The following ERBB4 variants were observed in gnomAD, a reference collection of about 807,000 sequenced individuals.
ERBB4 encodes the protein receptor tyrosine-protein kinase erbB-4.
Under a neutral mutation model 158.0 loss-of-function variants are expected in ERBB4, and 42 were observed. The ratio of observed to expected loss-of-function variants is 0.27; its 90% CI spans 0.21 to 0.34. The LOEUF is 0.34. ERBB4 is among the 10% of genes least tolerant of loss of function. ERBB4 has a pLI of 1.00. For missense variants in ERBB4, 1,333 were observed against 1,624.1 expected (o/e 0.82, Z 3.08); for synonymous variants, 583 against 558.7 (o/e 1.04, Z -0.61).
chr2:212,216,507 G>A (rs577878451), intron 1 of ERBB4, among the ~76,000 whole-genome samples: 110 of 151,358 alleles, frequency 7.3e-4, no homozygotes, highest in Non-Finnish European at 1.3e-3. Flanking sequence ...TTCAAAAAGT[G>A]TCAAAAATCA....
intron 1 of ERBB4, among the ~76,000 whole-genome samples, chr2:212,303,986 A>T (rs933535951): frequency 6.6e-6 from 1 of 151,618 alleles, no homozygotes; most frequent in African/African-American, 2.4e-5. Context: ...CAACTCAAGA[A>T]GTAGAAAATA....
intron 3 of ERBB4, among the ~76,000 whole-genome samples, chr2:211,916,269 T>C (rs995197106): frequency 1.3e-5 from 2 of 152,030 alleles, no homozygotes; most frequent in African/African-American, 4.8e-5. Flanking sequence ...AACCTCTGTC[T>C]CCCGGGTTCA....
chr2:212,055,648 G>A (rs2077539935), intron 2 of ERBB4, among the ~76,000 whole-genome samples: 1 of 152,222 alleles, frequency 6.6e-6, no homozygotes, highest in Admixed American at 6.5e-5. Context: ...AGCCACCACT[G>A]CTGATACCCA....
At chr2:212,504,036 A>G (rs1336877939) in intron 1 of ERBB4, among the ~76,000 whole-genome samples, 1 of 152,226 alleles carries the variant, frequency 6.6e-6, no homozygotes, top group Admixed American at 6.5e-5. Context: ...TTCCAAAATT[A>G]GCTTAAATGG....
At chr2:211,966,811 T>C (rs934585544) in intron 2 of ERBB4, among the ~76,000 whole-genome samples, 3 of 152,120 alleles carry the variant, frequency 2.0e-5, no homozygotes, top group Admixed American at 1.3e-4. Flanking sequence ...TACATTATTA[T>C]AGAAAAGACA....
intron 2 of ERBB4, among the ~76,000 whole-genome samples, chr2:212,096,829 A>G (rs2078946635): frequency 6.6e-6 from 1 of 152,158 alleles, no homozygotes; most frequent in African/African-American, 2.4e-5. Flanking sequence ...GTAGGATTCT[A>G]TTCAGCTGGA....
chr2:211,689,345 C>T (rs904854562), intron 12 of ERBB4, among the ~76,000 whole-genome samples: 2 of 152,068 alleles, frequency 1.3e-5, no homozygotes, highest in Non-Finnish European at 2.9e-5. Flanking sequence ...AAGGTATGCA[C>T]CATGACACCT....
At chr2:212,006,910 A>G (rs1035539664) in intron 2 of ERBB4, among the ~76,000 whole-genome samples, 15 of 152,044 alleles carry the variant, frequency 9.9e-5, no homozygotes, top group African/African-American at 3.6e-4. Flanking sequence ...TGGGATGCAT[A>G]ATGAAATTAA....
At chr2:211,997,567 T>C (rs1034510907) in intron 2 of ERBB4, among the ~76,000 whole-genome samples, 2 of 152,072 alleles carry the variant, frequency 1.3e-5, no homozygotes, top group Admixed American at 6.6e-5. Context: ...GTCATAATTA[T>C]ATGTTTATTT....
intron 2 of ERBB4, among the ~76,000 whole-genome samples, chr2:211,975,836 G>A (rs565154498): frequency 6.6e-6 from 1 of 152,010 alleles, no homozygotes; most frequent in South Asian, 2.1e-4. Context: ...CCAGTGTTTG[G>A]GATTTTAAAA....
At chr2:211,445,558 G>C (rs2064090550) in intron 20 of ERBB4, among the ~76,000 whole-genome samples, 1 of 152,068 alleles carries the variant, frequency 6.6e-6, no homozygotes, top group Admixed American at 6.6e-5. Context: ...GAGGAAATGA[G>C]AGAATCTTAA....
intron 1 of ERBB4, among the ~76,000 whole-genome samples, chr2:212,130,148 C>A (rs1393855650): frequency 6.6e-6 from 1 of 152,062 alleles, no homozygotes; most frequent in East Asian, 1.9e-4. Flanking sequence ...GCAGCCAAAA[C>A]AAGTTTAACA....
intron 1 of ERBB4, among the ~76,000 whole-genome samples, chr2:212,256,523 T>A (rs1259715885): frequency 6.6e-6 from 1 of 152,164 alleles, no homozygotes; most frequent in East Asian, 1.9e-4. Flanking sequence ...CTTTTGGAAA[T>A]CTCTTTCAGA....
chr2:211,915,535 T>C (rs373035248), intron 3 of ERBB4, among the ~76,000 whole-genome samples: 2 of 151,984 alleles, frequency 1.3e-5, no homozygotes, highest in East Asian at 3.9e-4. Flanking sequence ...CTATTTATTT[T>C]AGTTACATAT....
chr2:211,498,159 A>G (rs974011155), intron 20 of ERBB4, among the ~76,000 whole-genome samples: 2 of 152,066 alleles, frequency 1.3e-5, no homozygotes, highest in Non-Finnish European at 2.9e-5. Context: ...TTCTAAGTCT[A>G]CAGTGGTCTC....
chr2:211,558,969 A>T (rs1432265561), intron 20 of ERBB4, among the ~76,000 whole-genome samples: 1 of 152,140 alleles, frequency 6.6e-6, no homozygotes, highest in African/African-American at 2.4e-5. Context: ...ATAATTCCTA[A>T]ATGTATATAT....
chr2:212,530,623 TG>T (rs1469228432), intron 1 of ERBB4, among the ~76,000 whole-genome samples: 1 of 152,188 alleles, frequency 6.6e-6, no homozygotes, highest in Non-Finnish European at 1.5e-5. Flanking sequence ...CTGGAGAATC[TG>T]TTGTCAATTA....
At chr2:211,895,110 G>A (rs1026449624) in intron 3 of ERBB4, among the ~76,000 whole-genome samples, 2 of 152,098 alleles carry the variant, frequency 1.3e-5, no homozygotes, top group African/African-American at 4.8e-5. Flanking sequence ...CAAAATTTCT[G>A]TCTCCCTTGC....
At chr2:212,276,117 A>C (rs2085524109) in intron 1 of ERBB4, among the ~76,000 whole-genome samples, 1 of 151,768 alleles carries the variant, frequency 6.6e-6, no homozygotes, top group Non-Finnish European at 1.5e-5. Context: ...TTATTCTCTC[A>C]AATTATTTCA....
Sources: gnomAD v4.1 joint callset for allele counts (sites outside exome capture counted in the v4.1 genomes callset) on GRCh38, gnomAD v4.1.1 for gene constraint, MANE v1.5 for transcripts, NCBI Gene and HGNC (gene_info 2026-07-23, HGNC 2026-07-21) for gene names.